Variants in GRIP1 observed in about 807,000 individuals in gnomAD.
The protein encoded by GRIP1 is glutamate receptor-interacting protein 1.
GRIP1 carries 45 observed loss-of-function variants against 129.9 expected under a neutral mutation model. That is an observed-to-expected ratio of 0.35 (90% CI 0.27 to 0.44). The LOEUF is 0.44. Among genes scored for constraint, GRIP1 ranks in the 20% least tolerant of loss-of-function variants. The pLI, the probability that GRIP1 is intolerant of heterozygous loss-of-function variation, is 1.00. For synonymous variants in GRIP1, 530 were observed against 520.8 expected (o/e 1.02, Z -0.24); for missense variants, 1,196 against 1,396.8 (o/e 0.86, Z 2.29).
At chr12:66,516,958 A>G (rs1336681755) in intron 6 of GRIP1, among the ~76,000 whole-genome samples, 2 of 152,208 alleles carry the variant, frequency 1.3e-5, no homozygotes, top group Admixed American at 6.5e-5. Context: ...GTGGATACAA[A>G]GACCTCATGT....
chr12:66,874,356 T>C (rs1348576782), intron 1 of GRIP1, among the ~76,000 whole-genome samples: 2 of 152,104 alleles, frequency 1.3e-5, no homozygotes, highest in African/African-American at 2.4e-5. Context: ...ATATAGTTCA[T>C]ATACCACAGT....
chr12:66,535,869 T>G (rs995402240), intron 4 of GRIP1, among the ~76,000 whole-genome samples: 2 of 152,154 alleles, frequency 1.3e-5, no homozygotes, highest in Non-Finnish European at 2.9e-5. Context: ...ACAGTACAGA[T>G]CTTTCTCTCA....
At chr12:66,927,834 T>C (rs1016387020) in intron 1 of GRIP1, among the ~76,000 whole-genome samples, 4 of 152,224 alleles carry the variant, frequency 2.6e-5, no homozygotes, top group Non-Finnish European at 5.9e-5. Flanking sequence ...CCTACTTTTA[T>C]CATGATCATT....
chr12:66,986,254 A>G (rs915557877), intron 1 of GRIP1, among the ~76,000 whole-genome samples: 2 of 152,078 alleles, frequency 1.3e-5, no homozygotes, highest in Admixed American at 6.6e-5. Flanking sequence ...TTCAACCATT[A>G]TGGAAGTCAG....
At chr12:66,769,863 A>T (rs2037763706) in intron 1 of GRIP1, among the ~76,000 whole-genome samples, 1 of 152,198 alleles carries the variant, frequency 6.6e-6, no homozygotes, top group African/African-American at 2.4e-5. Context: ...CACCTTGCTG[A>T]CACTCTCAGG....
chr12:66,701,139 C>T (rs2035336455), intron 1 of GRIP1, among the ~76,000 whole-genome samples: 1 of 152,094 alleles, frequency 6.6e-6, no homozygotes, highest in African/African-American at 2.4e-5. Flanking sequence ...ACAAACCCTC[C>T]CTTTTCTACA....
At chr12:66,581,204 A>G (rs1002397542) in intron 2 of GRIP1, among the ~76,000 whole-genome samples, 4 of 152,218 alleles carry the variant, frequency 2.6e-5, no homozygotes, top group African/African-American at 7.2e-5. Context: ...CTTTGAAACC[A>G]AAGAGAACAA....
At chr12:66,358,243 A>G (rs2054585770) in intron 23 of GRIP1, among the ~76,000 whole-genome samples, 1 of 151,980 alleles carries the variant, frequency 6.6e-6, no homozygotes. Flanking sequence ...TGGATGCTCA[A>G]ATGTTCTCAT....
chr12:66,456,344 T>G lies in GRIP1; in HGVS notation c.1043-2A>C. 1 of 1,285,896 alleles carries G rather than the reference T, an allele frequency of 7.8e-7. No individual in the cohort carries two copies. The highest frequency in any genetic ancestry group is 1.5e-5 in the African/African-American group (1 of 65,864). The allele number at this position is 1,285,896 out of a possible 1,614,324, so 79.7% of individuals were successfully genotyped here. On this transcript the variant is annotated splice_acceptor_variant, in intron 9 of 24. Coordinates refer to ENST00000359742, the MANE Select transcript of GRIP1 (RefSeq NM_001366722.1). LOFTEE classifies it high-confidence loss of function. ...GCCTGTCGCTCCTCTGAATTTTCAC[T>G]GCCCATATGAAGTGATGATGAAAAA... is the stretch of plus-strand genomic sequence containing the variant.
intron 1 of GRIP1, among the ~76,000 whole-genome samples, chr12:66,985,109 G>C (rs75761070): frequency 0.058 from 8,821 of 152,170 alleles, 331 homozygotes; most frequent in East Asian, 0.13. Flanking sequence ...CAGCATGCTG[G>C]CTGGCTTCCA....
At chr12:66,462,885 G>A (rs778945308) in intron 9 of GRIP1, 39 bp downstream of exon 9, 2 of 1,550,472 alleles carry the variant, frequency 1.3e-6, no homozygotes, top group Non-Finnish European at 1.8e-6. Flanking sequence ...AACACTGTGA[G>A]GGCCAGAGAA....
At chr12:66,945,919 C>G (rs1011128255) in intron 1 of GRIP1, among the ~76,000 whole-genome samples, 1 of 152,138 alleles carries the variant, frequency 6.6e-6, no homozygotes, top group Non-Finnish European at 1.5e-5. Flanking sequence ...CTGCTAAATT[C>G]TCATCCATAG....
chr12:66,454,436 G>A (rs564656600), intron 11 of GRIP1, among the ~76,000 whole-genome samples: 2 of 152,260 alleles, frequency 1.3e-5, no homozygotes, highest in East Asian at 3.9e-4. Flanking sequence ...AGGGATACAT[G>A]ACAAGAAACA....
intron 1 of GRIP1, among the ~76,000 whole-genome samples, chr12:66,846,284 A>C (rs546926438): frequency 6.2e-4 from 94 of 152,272 alleles, no homozygotes; most frequent in African/African-American, 2.2e-3. Context: ...AAGTCACCCT[A>C]ATGTCAACAT....
At chr12:66,847,933 A>G (rs558840146) in intron 1 of GRIP1, among the ~76,000 whole-genome samples, 3 of 152,286 alleles carry the variant, frequency 2.0e-5, no homozygotes, top group Non-Finnish European at 2.9e-5. Context: ...TTTTAGATAA[A>G]ACATTTATTT....
intron 14 of GRIP1, among the ~76,000 whole-genome samples, chr12:66,428,234 A>C (rs2058045395): frequency 6.6e-6 from 1 of 152,178 alleles, no homozygotes; most frequent in African/African-American, 2.4e-5. Flanking sequence ...CTTTAATTGC[A>C]ACCATATACA....
At chr12:66,949,128 G>C (rs2041715662) in intron 1 of GRIP1, among the ~76,000 whole-genome samples, 3 of 152,030 alleles carry the variant, frequency 2.0e-5, no homozygotes, top group African/African-American at 7.2e-5. Flanking sequence ...GCAAGCAATT[G>C]CTTAAATTTT....
At chr12:66,630,878 T>G (rs2030698275) in intron 1 of GRIP1, among the ~76,000 whole-genome samples, 3 of 152,266 alleles carry the variant, frequency 2.0e-5, no homozygotes, top group Admixed American at 2.0e-4. Flanking sequence ...AAACTAAATC[T>G]CCACGTTTGT....
intron 2 of GRIP1, among the ~76,000 whole-genome samples, chr12:66,555,328 G>A (rs2062288620): frequency 6.6e-6 from 1 of 152,074 alleles, no homozygotes; most frequent in Admixed American, 6.6e-5. Flanking sequence ...GTCTATAAGA[G>A]CCATAGCATT....
Sources: allele counts gnomAD v4.1 joint callset (sites outside exome capture counted in the v4.1 genomes callset), GRCh38; gene constraint gnomAD v4.1.1; transcripts MANE v1.5; gene names NCBI Gene and HGNC (gene_info 2026-07-23, HGNC 2026-07-21).